Variants in DHX15 observed in about 807,000 individuals in gnomAD.
DHX15 encodes the protein DEAH-box helicase 15, also known as ATP-dependent RNA helicase DHX15.
In DHX15, 11 loss-of-function variants were observed where a neutral mutation model predicts 94.4. That is an observed-to-expected ratio of 0.12 (90% CI 0.07 to 0.19). The LOEUF (loss-of-function observed/expected upper bound fraction) is 0.19, where lower values mean the gene tolerates loss of function less well. Among genes scored for constraint, DHX15 ranks in the 10% least tolerant of loss-of-function variants. The probability of loss-of-function intolerance (pLI) is 1.00; values close to 1 mark genes in which losing one functional copy is unlikely to be tolerated. For synonymous variants in DHX15, 338 were observed against 329.9 expected, an observed-to-expected ratio of 1.02 and a Z score of -0.27; for missense variants, 304 against 988.5, an observed-to-expected ratio of 0.31 and a Z score of 9.29.
chr4:24,571,746 T>G (rs1176290998), intron 2 of DHX15, among the ~76,000 whole-genome samples: 1 of 152,222 alleles, frequency 6.6e-6, no homozygotes. Flanking sequence ...ATCAGTACAG[T>G]AAAACTGATA....
chr4:24,538,809 A>T (rs969730801), intron 10 of DHX15: 1 of 152,154 alleles, frequency 6.6e-6, no homozygotes, highest in Admixed American at 6.5e-5. Flanking sequence ...CAAACTTCTT[A>T]AAGAGCTAAT....
chr4:24,550,777 C>CA (rs1721584772), intron 5 of DHX15, among the ~76,000 whole-genome samples: 1 of 152,190 alleles, frequency 6.6e-6, no homozygotes. Context: ...AATGATAAAA[C>CA]ATGTAGTATA....
At chr4:24,535,361 A>C (rs1285384380) in intron 11 of DHX15, among the ~76,000 whole-genome samples, 1 of 152,192 alleles carries the variant, frequency 6.6e-6, no homozygotes, top group Admixed American at 6.5e-5. Context: ...CCTCTGACTG[A>C]ATCTGTTCCT....
chr4:24,534,733 T>A (rs750774703), intron 11 of DHX15, among the ~76,000 whole-genome samples: 2 of 152,176 alleles, frequency 1.3e-5, no homozygotes, highest in South Asian at 4.1e-4. Flanking sequence ...AACATTTTAA[T>A]TGACATGACA....
intron 11 of DHX15, among the ~76,000 whole-genome samples, chr4:24,535,170 A>G (rs1721168148): frequency 6.6e-6 from 1 of 152,286 alleles, no homozygotes; most frequent in Admixed American, 6.5e-5. Flanking sequence ...CAAACAATAG[A>G]CTTGAACTTT....
At chr4:24,540,411 A>G in intron 9 of DHX15, 112 bp from the exon 10 acceptor site, 1 of 825,926 alleles carries the variant, frequency 1.2e-6, no homozygotes, top group Non-Finnish European at 1.9e-6. Flanking sequence ...GACCAAACTC[A>G]AACTCAAACT....
At chr4:24,577,022 A>C (rs904094506) in intron 1 of DHX15, among the ~76,000 whole-genome samples, 1 of 152,142 alleles carries the variant, frequency 6.6e-6, no homozygotes, top group Non-Finnish European at 1.5e-5. Flanking sequence ...AATTGAGTAA[A>C]AGAAGATGGC....
At chr4:24,577,144 C>T (rs961866597) in intron 1 of DHX15, among the ~76,000 whole-genome samples, 1 of 152,194 alleles carries the variant, frequency 6.6e-6, no homozygotes, top group Non-Finnish European at 1.5e-5. Flanking sequence ...ACAACTCCAC[C>T]TCACATCATT....
At chr4:24,579,050 A>C (rs1344647778) in intron 1 of DHX15, among the ~76,000 whole-genome samples, 1 of 152,156 alleles carries the variant, frequency 6.6e-6, no homozygotes, top group Non-Finnish European at 1.5e-5. Flanking sequence ...TTCATTACCA[A>C]ACCAAACAAA....
intron 6 of DHX15, among the ~76,000 whole-genome samples, chr4:24,545,709 A>G (rs1410395012): frequency 1.3e-5 from 2 of 152,238 alleles, no homozygotes; most frequent in African/African-American, 4.8e-5. Context: ...AGCCCTAACC[A>G]TGTTCTAATT....
intron 1 of DHX15, among the ~76,000 whole-genome samples, chr4:24,583,593 G>T (rs562098015): frequency 9.9e-5 from 15 of 152,104 alleles, no homozygotes; most frequent in Non-Finnish European, 1.5e-4. Flanking sequence ...AAGTTTGCTA[G>T]TATCTACTTT....
intron 3 of DHX15, among the ~76,000 whole-genome samples, chr4:24,566,966 C>A (rs1334276865): frequency 6.6e-6 from 1 of 152,138 alleles, no homozygotes; most frequent in Non-Finnish European, 1.5e-5. Flanking sequence ...TTTGCTTTAA[C>A]AAGAACAGGG....
In DHX15 at chr4:24,537,641, TACTGCC is replaced by T. The variant is rs1378011004; in HGVS notation, c.1787-474_1787-469del. 6.5e-6 allele frequency: 1 copy of T among 153,758 alleles called. No homozygotes were observed. The highest frequency in any genetic ancestry group is 1.4e-5 in the Non-Finnish European group (1 of 69,122). The allele number at this position is 153,758 out of a possible 1,614,324, so 9.5% of individuals were successfully genotyped here. The stretch of plus-strand genomic sequence containing the variant: ...GCTAACAACAACTTTGAAACCAGTC[TACTGCC>T]ATGTTTCTATCAGAATTTTTTCCCT... On this transcript the variant is annotated intron_variant, in intron 10 of 13. Transcript: ENST00000336812. This position sits in a 1 kb window ranked among gnomAD's most constrained non-coding sequence, Gnocchi z 4.7.
chr4:24,536,537 C>T (rs529633499), intron 11 of DHX15, among the ~76,000 whole-genome samples: 1 of 152,178 alleles, frequency 6.6e-6, no homozygotes. Flanking sequence ...AATAATAATG[C>T]CAAAATAATA....
At chr4:24,561,723 T>C (rs576970994) in intron 3 of DHX15, among the ~76,000 whole-genome samples, 10 of 152,052 alleles carry the variant, frequency 6.6e-5, no homozygotes, top group Non-Finnish European at 1.2e-4. Context: ...ATGTTCTCAG[T>C]TGGGAGCTCA....
intron 11 of DHX15, 78 bp from the exon 12 acceptor site, chr4:24,533,132 G>C: frequency 7.9e-7 from 1 of 1,258,976 alleles, no homozygotes; most frequent in Non-Finnish European, 1.2e-6. Flanking sequence ...TAAAAAAATT[G>C]TTATAAAGAA....
At chr4:24,540,465 A>G (rs966319258) in intron 9 of DHX15, among the ~76,000 whole-genome samples, 166 bp from the exon 10 acceptor site, 1 of 152,178 alleles carries the variant, frequency 6.6e-6, no homozygotes, top group African/African-American at 2.4e-5. Flanking sequence ...AATGAATCAT[A>G]AAAACATTGC....
At chr4:24,573,807 T>TCC (rs1237735613) in intron 2 of DHX15, among the ~76,000 whole-genome samples, 1 of 152,186 alleles carries the variant, frequency 6.6e-6, no homozygotes, top group Non-Finnish European at 1.5e-5. Context: ...GCTCACACTG[T>TCC]CCCTTTGGTT....
At chr4:24,543,095 G>T in intron 6 of DHX15, 69 bp from the exon 7 acceptor site, 2 of 1,088,642 alleles carry the variant, frequency 1.8e-6, no homozygotes, top group South Asian at 1.6e-5. Flanking sequence ...TTAAAGATCA[G>T]CCACTAACTT....
Sources: allele counts gnomAD v4.1 joint callset (sites outside exome capture counted in the v4.1 genomes callset), GRCh38; gene constraint gnomAD v4.1.1; non-coding constraint Gnocchi (gnomAD v3.1); transcripts MANE v1.5; gene names NCBI Gene and HGNC (gene_info 2026-07-23, HGNC 2026-07-21).